ARHGAP32: variants seen among roughly 807,000 people sequenced by gnomAD.
ARHGAP32 encodes rho GTPase-activating protein 32.
Under a neutral mutation model 186.5 loss-of-function variants are expected in ARHGAP32, and 51 were observed. The observed-to-expected ratio is 0.27, with a 90% CI of 0.22 to 0.35. The LOEUF is 0.35. Ranked by LOEUF, ARHGAP32 falls within the 10% of genes least tolerant of loss-of-function variation. ARHGAP32 has a pLI of 1.00. For synonymous variants in ARHGAP32, 950 were observed against 964.3 expected (o/e 0.99, Z 0.27); for missense variants, 2,186 against 2,623.5 (o/e 0.83, Z 3.64).
rs1945877928 is a variant in ARHGAP32, at chr11:128,986,593, G to C, written c.1374C>G (p.Ser458=). Residue 458 remains serine (S), a synonymous_variant, in exon 14 of 23, where the codon TCC becomes TCG. Transcript: ENST00000682385. ...PYVQDIHSVG[S]LCKLYFRELP... is the part of the protein sequence containing the mutation. Reference sequence around the variant, plus strand: ...GTTCCCGGAAGTACAGCTTACATAGGGAACCCACAGAATGGATGTCCTGAA... The same window carrying C: ...GTTCCCGGAAGTACAGCTTACATAGCGAACCCACAGAATGGATGTCCTGAA... The C allele has an allele frequency of 6.2e-7, 1 of 1,613,964 alleles. No individual in the cohort carries two copies. Among genetic ancestry groups the C allele is most frequent in the South Asian group, 1.1e-5 (1 of 91,072 alleles).
intron 5 of ARHGAP32, among the ~76,000 whole-genome samples, chr11:129,094,473 T>A (rs1277162880): frequency 3.3e-5 from 5 of 152,170 alleles, no homozygotes; most frequent in African/African-American, 1.2e-4. Flanking sequence ...GCTAAGAGGT[T>A]TCATGTGAAA....
chr11:128,985,831 CGTGT>C (rs369790310), intron 15 of ARHGAP32, 168 bp downstream of exon 15: 2,275 of 115,326 alleles, frequency 0.02, 29 homozygotes, highest in East Asian at 0.031. Context: ...TGTGTGTGTG[CGTGT>C]GTGTGTGTGT....
intron 10 of ARHGAP32, among the ~76,000 whole-genome samples, chr11:129,060,387 T>TA (rs1360940695): frequency 5.0e-4 from 72 of 143,196 alleles, no homozygotes; most frequent in Admixed American, 1.7e-3. Context: ...ATAGATAAGA[T>TA]AGACAGACAG....
rs766518245 is a variant in ARHGAP32, at chr11:128,974,192, G to A, written c.3005C>T (p.Pro1002Leu). 2 of 1,614,144 alleles carry A rather than the reference G, an allele frequency of 1.2e-6. No homozygotes were observed. Among genetic ancestry groups the A allele is most frequent in the Non-Finnish European group, 1.7e-6 (2 of 1,180,012 alleles). ...TGAGACAGACTGATCCTCTTTCCCT[G>A]GCAATTCTACTTCTTCAGCAGCCAC... The part of the protein sequence containing the change: ...DQVAAEEVEL[P>L]GKEDQSVSSS... The change falls in exon 21 of 23, where the codon CCA (proline) becomes CTA (leucine). Residue 1002 changes from proline (P) to leucine (L), a missense_variant. By Grantham distance (98) the Pro-to-Leu change is moderately conservative. Coordinates refer to ENST00000682385, the MANE Select transcript of ARHGAP32 (RefSeq NM_001378024.1).
intron 1 of ARHGAP32, among the ~76,000 whole-genome samples, chr11:129,241,481 A>G (rs561667608): frequency 6.6e-6 from 1 of 152,218 alleles, no homozygotes; most frequent in East Asian, 1.9e-4. Flanking sequence ...CATCTCTACA[A>G]ATAATTTTGT....
At chr11:129,027,549 G>A (rs562243783) in intron 11 of ARHGAP32, among the ~76,000 whole-genome samples, 70 of 152,108 alleles carry the variant, frequency 4.6e-4, no homozygotes, top group Admixed American at 2.6e-3. Context: ...CATTCAACTC[G>A]GTATCATTAC....
intron 11 of ARHGAP32, among the ~76,000 whole-genome samples, chr11:129,005,420 A>G (rs549367516): frequency 1.3e-5 from 2 of 152,118 alleles, no homozygotes; most frequent in Non-Finnish European, 2.9e-5. Flanking sequence ...TCCCTTTAGC[A>G]TTTCTTATAG....
At chr11:129,261,024 A>G (rs1770009272) in intron 1 of ARHGAP32, among the ~76,000 whole-genome samples, 1 of 152,090 alleles carries the variant, frequency 6.6e-6, no homozygotes, top group African/African-American at 2.4e-5. Context: ...TGAAAATACT[A>G]CTTAAAATAT....
intron 10 of ARHGAP32, among the ~76,000 whole-genome samples, chr11:129,058,234 C>CTATATATA (rs1224535942): frequency 1.5e-5 from 2 of 135,332 alleles, no homozygotes; most frequent in Non-Finnish European, 3.3e-5. Context: ...CTCTCTCTCT[C>CTATATATA]TCTCTATATA....
rs1296851314 is a variant in ARHGAP32 at position 129,052,009 on chromosome 11, A to G, written c.963+10271T>C. Among the ~76,000 whole-genome samples the G allele has an allele frequency of 2.7e-5, 4 of 150,436 alleles. No homozygotes were observed. In the Admixed American group the frequency reaches 2.7e-4, roughly 10 times the overall value. On this transcript the variant is annotated intron_variant, in intron 10 of 22. Coordinates refer to ENST00000682385, the MANE Select transcript of ARHGAP32 (RefSeq NM_001378024.1). Reference sequence around the variant, plus strand: ...ACATCTTCACCTAATCCAAAGCCACAAAAGTTTTCTCCTAAGTTTTCTTCT... The same window carrying G: ...ACATCTTCACCTAATCCAAAGCCACGAAAGTTTTCTCCTAAGTTTTCTTCT...
chr11:129,014,567 G>T (rs1439244969), intron 11 of ARHGAP32, among the ~76,000 whole-genome samples: 1 of 152,140 alleles, frequency 6.6e-6, no homozygotes. Flanking sequence ...AAGTTTATTT[G>T]ATTATATACA....
At chr11:129,057,018 C>T (rs113246819) in intron 10 of ARHGAP32, among the ~76,000 whole-genome samples, 3,315 of 152,234 alleles carry the variant, frequency 0.022, 64 homozygotes, top group African/African-American at 0.049. Flanking sequence ...ACCTCTGTGA[C>T]GCACAGCCTC....
intron 2 of ARHGAP32, among the ~76,000 whole-genome samples, chr11:129,134,175 G>C (rs940573056): frequency 1.3e-5 from 2 of 151,822 alleles, no homozygotes; most frequent in Non-Finnish European, 2.9e-5. Flanking sequence ...CTCTGAGGCA[G>C]TAAAAACATC....
At chr11:129,152,788 T>C (rs1943316274) in intron 2 of ARHGAP32, among the ~76,000 whole-genome samples, 1 of 152,122 alleles carries the variant, frequency 6.6e-6, no homozygotes, top group Admixed American at 6.5e-5. Flanking sequence ...TTATACTGAA[T>C]AGGGACAAGC....
At position 129,064,834 on chromosome 11, in the gene ARHGAP32, G is replaced by A. The variant is rs775874702; in HGVS notation, c.762+7C>T. On this transcript the variant is annotated splice_region_variant and intron_variant, in intron 8 of 22. Coordinates refer to ENST00000682385, the MANE Select transcript of ARHGAP32 (RefSeq NM_001378024.1). ...ACATTTTTCATGAAAAGTGAATTAGGAAATACCTCCATCCAGGTAAGGGCG... is the reference window on the plus strand; with the variant it reads ...ACATTTTTCATGAAAAGTGAATTAGAAAATACCTCCATCCAGGTAAGGGCG... 1.3e-6 allele frequency: 2 copies of A among 1,573,256 alleles called. No individual in the cohort carries two copies. The highest frequency in any genetic ancestry group is 2.4e-5 in the South Asian group (2 of 85,030).
rs749000618 is a variant in ARHGAP32, at chr11:128,973,212, C to A, written c.3294G>T (p.Leu1098=). 1.9e-6 allele frequency: 3 copies of A among 1,614,150 alleles called. No individual in the cohort carries two copies. The African/African-American group carries it at 4.0e-5, about 22-fold the overall frequency. Reference sequence around the variant, plus strand: ...GAGCAACTGCAGAGTAAGAACTGGACAGATTATCTTCAGTTGTAGCCACCG... The same window carrying A: ...GAGCAACTGCAGAGTAAGAACTGGAAAGATTATCTTCAGTTGTAGCCACCG... ...DIAVATTEDN[L]SSSYSAVALD... is the part of the protein sequence containing the mutation. The change falls in exon 22 of 23, where the codon CTG becomes CTT. Residue 1098 remains leucine, a synonymous_variant. Transcript: ENST00000682385.
intron 1 of ARHGAP32, among the ~76,000 whole-genome samples, chr11:129,233,687 T>G (rs2135643161): frequency 6.6e-6 from 1 of 151,812 alleles, no homozygotes; most frequent in Middle Eastern, 3.4e-3. Context: ...CTGCAGTATA[T>G]TCATACAATG....
chr11:129,259,342 T>C (rs1945293106), intron 1 of ARHGAP32, among the ~76,000 whole-genome samples: 1 of 152,038 alleles, frequency 6.6e-6, no homozygotes, highest in South Asian at 2.1e-4. Flanking sequence ...GAGAACTATA[T>C]ACAATGGCTG....
rs71057924 is a variant in ARHGAP32, at chr11:129,107,868, CAAAAA to C, written c.445-14166_445-14162del. Among the ~76,000 whole-genome samples the C allele has an allele frequency of 2.2e-3, 202 of 93,400 alleles. 2 individuals are homozygous for C. The highest frequency in any genetic ancestry group is 7.4e-3 in the African/African-American group (171 of 23,028). The allele number at this position is 93,400 out of a possible 152,430, so 61.3% of individuals were successfully genotyped here. ...GGGCAACAAGGGCAAAACTATGTTT[CAAAAA>C]AAAAAAAAAAAAAAAAAAGTAGAGC... On this transcript the variant is annotated intron_variant, in intron 5 of 22. Coordinates refer to ENST00000682385, the MANE Select transcript of ARHGAP32 (RefSeq NM_001378024.1).
Sources: allele counts gnomAD v4.1 joint callset (sites outside exome capture counted in the v4.1 genomes callset), GRCh38; gene constraint gnomAD v4.1.1; transcripts MANE v1.5; gene names NCBI Gene and HGNC (gene_info 2026-07-23, HGNC 2026-07-21).